The following SLCO4A1 variants were observed in gnomAD, a reference collection of about 807,000 sequenced individuals.
SLCO4A1 encodes the protein colon organic anion transporter.
In SLCO4A1, 51 loss-of-function variants were observed where a neutral mutation model predicts 64.6. The ratio of observed to expected loss-of-function variants is 0.79; its 90% CI spans 0.63 to 1.00. SLCO4A1 has a LOEUF of 1.00. Among genes scored for constraint, SLCO4A1 ranks in the 50% least tolerant of loss-of-function variants. SLCO4A1 has a pLI of 0.00. For synonymous variants in SLCO4A1, 471 were observed against 444.9 expected, an observed-to-expected ratio of 1.06 and a Z score of -0.74; for missense variants, 919 against 980.5, an observed-to-expected ratio of 0.94 and a Z score of 0.84.
intron 6 of SLCO4A1, 29 bp downstream of exon 6, chr20:62,665,117 T>C: frequency 6.3e-7 from 1 of 1,586,968 alleles, no homozygotes; most frequent in Non-Finnish European, 8.6e-7. Context: ...GGGGGTCCTC[T>C]GCTTTTATGT....
chr20:62,668,940 G>C lies in SLCO4A1; in HGVS notation c.1887G>C (p.Pro629=). The change falls in exon 11 of 12, where the codon CCG becomes CCC. Residue 629 remains proline (P), a synonymous_variant. Transcript: ENST00000217159. ...WIVVRILGGI[P]GPIAFGWVID... The stretch of plus-strand genomic sequence containing the variant: ...GGCTTCTCTCCGCAGGGGGCATCCC[G>C]GGGCCCATCGCCTTCGGCTGGGTGA... The C allele has an allele frequency of 6.2e-7, 1 of 1,604,570 alleles. No homozygotes were observed. The highest frequency in any genetic ancestry group is 8.5e-7 in the Non-Finnish European group (1 of 1,179,868).
chr20:62,669,762 A>G (rs1986974778), intron 11 of SLCO4A1, among the ~76,000 whole-genome samples: 1 of 152,140 alleles, frequency 6.6e-6, no homozygotes, highest in Non-Finnish European at 1.5e-5. Context: ...ATCCTGCAGG[A>G]ACCCGTGGCC....
At chr20:62,687,560 C>T (rs1988106842), downstream of SLCO4A1, among the ~76,000 whole-genome samples, 1 of 152,258 alleles carries the variant, frequency 6.6e-6, no homozygotes, top group Non-Finnish European at 1.5e-5. Flanking sequence ...GGAGGCAGCG[C>T]ACGGGGCAGA....
intron 1 of SLCO4A1, among the ~76,000 whole-genome samples, chr20:62,652,937 C>T (rs1357630826): frequency 6.6e-6 from 1 of 152,238 alleles, no homozygotes; most frequent in Non-Finnish European, 1.5e-5. Flanking sequence ...GACGCAGACG[C>T]TTGGCTCTGG....
At chr20:62,678,614 C>T (rs575069722) in intron 2 of SLCO4A1, among the ~76,000 whole-genome samples, 4 of 151,620 alleles carry the variant, frequency 2.6e-5, no homozygotes, top group South Asian at 2.1e-4. Flanking sequence ...TCACTGCAGC[C>T]TCTTACTCCC....
At chr20:62,672,348 C>T (rs563153930), downstream of SLCO4A1, 1 of 969,324 alleles carries the variant, frequency 1.0e-6, no homozygotes, top group South Asian at 3.4e-5. Context: ...GGTGGTCTCG[C>T]CATCCTTGGC....
intron 1 of SLCO4A1, among the ~76,000 whole-genome samples, chr20:62,648,289 G>A (rs759337617): frequency 4.6e-5 from 7 of 152,240 alleles, no homozygotes; most frequent in Non-Finnish European, 7.3e-5. Flanking sequence ...CGTTTCTCTC[G>A]GGCTGAGAGC....
intron 2 of SLCO4A1, among the ~76,000 whole-genome samples, chr20:62,658,162 T>G (rs1050417919): frequency 6.6e-6 from 1 of 152,220 alleles, no homozygotes. Flanking sequence ...GACCTCAGCC[T>G]CCTCATGTCC....
rs1163914710 is a variant in SLCO4A1, at chr20:62,668,870, GC to G, written c.1877-55del. The G allele has an allele frequency of 1.9e-5, 30 of 1,541,672 alleles. No individual in the cohort carries two copies. In the East Asian group the frequency reaches 6.0e-4, roughly 31 times the overall value. On this transcript the variant is annotated intron_variant, in intron 10 of 11. Transcript: ENST00000217159. Reference sequence around the variant, plus strand: ...ATCATTCCAGGCCTCTTGGCTGCCTGCCCCCTGCCTAGCCCCTACCCACCAG... The same window carrying G: ...ATCATTCCAGGCCTCTTGGCTGCCTGCCCCTGCCTAGCCCCTACCCACCAG...
rs1345921511 is a variant in SLCO4A1, at chr20:62,685,467, G to A, written n.238G>A. ...AAGAAGAGAATGAATTTAGAAGGCT[G>A]TAAACCCCATCTGAGCCTTACACAT... On this transcript the variant is annotated non_coding_transcript_exon_variant, in exon 3 of 3. Transcript: ENST00000466818. This position sits in a 1 kb window ranked among gnomAD's most constrained non-coding sequence, Gnocchi z 4.6. 7 of 984,206 alleles carry A rather than the reference G, an allele frequency of 7.1e-6. No homozygotes were observed. Among genetic ancestry groups the A allele is most frequent in the Non-Finnish European group, 8.4e-6 (7 of 828,904 alleles). 61.0% of individuals were successfully genotyped at this position (984,206 alleles called of 1,614,324 possible).
rs774038742 is a variant in SLCO4A1 at position 62,666,448 on chromosome 20, C to T, written c.1345C>T (p.Leu449Phe). ...CGGCTTCTTTGTGAACAAGCTCAGG[C>T]TCCGGGGCTCCGCGGTCATCAAGTT... ...LGGFFVNKLR[L>F]RGSAVIKFCL... Residue 449 changes from leucine (L) to phenylalanine (F), a missense_variant, in exon 7 of 12, where the codon CTC becomes TTC. Leu to Phe is a conservative substitution (Grantham distance 22, BLOSUM62 0). Coordinates refer to ENST00000217159, the MANE Select transcript of SLCO4A1 (RefSeq NM_016354.4). 19 of 1,613,468 alleles carry T rather than the reference C, an allele frequency of 1.2e-5. No homozygotes were observed. In the East Asian group the frequency reaches 4.2e-4, roughly 36 times the overall value.
chr20:62,688,443 GCC>G, downstream of SLCO4A1, among the ~76,000 whole-genome samples: 1 of 152,100 alleles, frequency 6.6e-6, no homozygotes, highest in Non-Finnish European at 1.5e-5. Context: ...CTCACCTGTA[GCC>G]CCACCAGGTT....
At chr20:62,674,065 G>A (rs190663772), downstream of SLCO4A1, among the ~76,000 whole-genome samples, 7 of 152,338 alleles carry the variant, frequency 4.6e-5, no homozygotes, top group Admixed American at 3.9e-4. Context: ...AATCAGGGTG[G>A]AAGGTGCCAG....
At chr20:62,678,897 T>G (rs1445628290) in intron 2 of SLCO4A1, among the ~76,000 whole-genome samples, 1 of 152,052 alleles carries the variant, frequency 6.6e-6, no homozygotes, top group South Asian at 2.1e-4. Context: ...TGCCAGGGGC[T>G]GGGGTGGAGA....
intron 6 of SLCO4A1, chr20:62,665,540 C>A (rs917383459): frequency 2.5e-5 from 4 of 158,732 alleles, no homozygotes; most frequent in African/African-American, 9.6e-5. Flanking sequence ...CTCCTCCTGC[C>A]AGCGTTCACA....
At chr20:62,672,848 T>C (rs12626069), downstream of SLCO4A1, among the ~76,000 whole-genome samples, 10,674 of 152,136 alleles carry the variant, frequency 0.07, 495 homozygotes, top group Middle Eastern at 0.14. Flanking sequence ...TCCCACTCGC[T>C]GAGCCCTGCA....
chr20:62,682,925 C>T (rs935476602), intron 2 of SLCO4A1, among the ~76,000 whole-genome samples: 45 of 152,232 alleles, frequency 3.0e-4, no homozygotes, highest in African/African-American at 9.6e-4. Context: ...CCAGCATCCT[C>T]GCCAGTCCAG....
downstream of SLCO4A1, among the ~76,000 whole-genome samples, chr20:62,690,725 C>A (rs977758231): frequency 2.6e-5 from 4 of 152,198 alleles, no homozygotes; most frequent in Non-Finnish European, 5.9e-5. Flanking sequence ...AACGCGCTTT[C>A]ATTTGTTTTG....
At position 62,661,041 on chromosome 20, in the gene SLCO4A1, C is replaced by CCCCCCCCCCCCCCAA; in HGVS notation, c.1010-23_1010-22insCCCCCCCCCCCCCAA. 7.7e-6 allele frequency: 11 copies of CCCCCCCCCCCCCCAA among 1,424,130 alleles called. No homozygotes were observed. The highest frequency in any genetic ancestry group is 9.9e-6 in the Non-Finnish European group (10 of 1,010,130). 88.2% of individuals were successfully genotyped at this position (1,424,130 alleles called of 1,614,324 possible). A position where few individuals can be genotyped will look rare whatever the true frequency, so the allele number is the denominator to read the frequency against. ...TCCGGGAGCCCCCAGCCCCCAGCCCCAGCTCACTCTGTGCCCTTCCAGGCT... is the reference window on the plus strand; with the variant it reads ...TCCGGGAGCCCCCAGCCCCCAGCCCCCCCCCCCCCCCCCAAAGCTCACTCTGTGCCCTTCCAGGCT... On this transcript the variant is annotated intron_variant, in intron 4 of 11. Coordinates refer to ENST00000217159, the MANE Select transcript of SLCO4A1 (RefSeq NM_016354.4). The surrounding 1 kb of genome is among the most constrained non-coding windows in gnomAD (Gnocchi z 5.2).
Sources: gnomAD v4.1 joint callset for allele counts (sites outside exome capture counted in the v4.1 genomes callset) on GRCh38, gnomAD v4.1.1 for gene constraint, Gnocchi (gnomAD v3.1) non-coding constraint, MANE v1.5 for transcripts, NCBI Gene and HGNC (gene_info 2026-07-23, HGNC 2026-07-21) for gene names.